MCF2L: variants seen among roughly 807,000 people sequenced by gnomAD.
The protein encoded by MCF2L is guanine nucleotide exchange factor DBS.
A neutral mutation model predicts 153.4 loss-of-function variants in MCF2L; 97 were observed. That is an observed-to-expected ratio of 0.63 (90% CI 0.54 to 0.75). MCF2L has a LOEUF of 0.75. Among genes scored for constraint, MCF2L ranks in the 30% least tolerant of loss-of-function variants. The probability of loss-of-function intolerance (pLI) is 0.00; values close to 1 mark genes in which losing one functional copy is unlikely to be tolerated. For missense variants in MCF2L, 1,347 were observed against 1,495.2 expected (o/e 0.90, Z 1.64); for synonymous variants, 659 against 632.2 (o/e 1.04, Z -0.64).
In MCF2L at chr13:113,078,743, G is replaced by A. The variant is rs1376517058; in HGVS notation, c.1808+4G>A. 1 of 1,595,162 alleles carries A rather than the reference G, an allele frequency of 6.3e-7. No homozygotes were observed. Among genetic ancestry groups the A allele is most frequent in the Non-Finnish European group, 8.5e-7 (1 of 1,175,518 alleles). Reference sequence around the variant, plus strand: ...AAAGCCTGGCCATCCTGCGCAGGTGGGTGCGCTGCCCTTCTGTCCTCACAG... The same window carrying A: ...AAAGCCTGGCCATCCTGCGCAGGTGAGTGCGCTGCCCTTCTGTCCTCACAG... On this transcript the variant is annotated splice_donor_region_variant and intron_variant, in intron 15 of 29. Coordinates refer to ENST00000535094, the MANE Select transcript of MCF2L (RefSeq NM_001112732.3).
intron 2 of MCF2L, among the ~76,000 whole-genome samples, chr13:113,017,977 C>G (rs762585851): frequency 6.6e-6 from 1 of 152,268 alleles, no homozygotes; most frequent in South Asian, 2.1e-4. Context: ...GATTTCCCCT[C>G]CCTGCGACGT....
chr13:113,093,307 G>T (rs544240342), intron 26 of MCF2L, among the ~76,000 whole-genome samples: 2 of 152,264 alleles, frequency 1.3e-5, no homozygotes, highest in Non-Finnish European at 2.9e-5. Context: ...CAGGCCTGGT[G>T]TGGTGCCTGG....
chr13:113,090,232 G>A (rs376540103), intron 26 of MCF2L: 129 of 1,429,304 alleles, frequency 9.0e-5, no homozygotes, highest in African/African-American at 5.6e-4. Flanking sequence ...GTGACCATTC[G>A]TGCCTCCTTC....
chr13:113,003,781 T>TCCTCACTGTGCC (rs1159187754), intron 1 of MCF2L, among the ~76,000 whole-genome samples: 1 of 152,150 alleles, frequency 6.6e-6, no homozygotes, highest in Non-Finnish European at 1.5e-5. Flanking sequence ...AGGCCTGTGT[T>TCCTCACTGTGCC]CCTCACTGTG....
Position 113,064,838 on chromosome 13 carries a change from G to C in MCF2L, c.607-98G>C. 1 of 1,390,758 alleles carries C rather than the reference G, an allele frequency of 7.2e-7. No individual in the cohort carries two copies. 86.2% of individuals were successfully genotyped at this position (1,390,758 alleles called of 1,614,324 possible). A position where few individuals can be genotyped will look rare whatever the true frequency, so the allele number is the denominator to read the frequency against. ...TGCGTCAGCCGGTCTCACCTGATGG[G>C]TCTGTGTGGGAACGGTTTCCGCCGG... is the stretch of plus-strand genomic sequence containing the variant. On this transcript the variant is annotated intron_variant, in intron 6 of 29. Transcript: ENST00000535094. The surrounding 1 kb of genome is among the most constrained non-coding windows in gnomAD (Gnocchi z 6.0).
chr13:113,084,913 G>A lies in MCF2L; in HGVS notation c.2083G>A (p.Glu695Lys), dbSNP rs1249434622. Residue 695 changes from glutamate (E) to lysine (K), a missense_variant, in exon 19 of 30, where the codon GAG becomes AAG. This residue lies in a region of MCF2L where 144 missense variants were observed against 238.7 expected (regional missense o/e 0.60). Coordinates refer to ENST00000535094, the MANE Select transcript of MCF2L (RefSeq NM_001112732.3). The stretch of plus-strand genomic sequence containing the variant: ...GCAGATGGAAGATTTCCAGATCTAT[G>A]AGAAGTACTGTCAGAACAAGCCCCG... The part of the protein sequence containing the change: ...LERMEDFQIY[E>K]KYCQNKPRSE... 3.1e-6 allele frequency: 5 copies of A among 1,613,954 alleles called. No homozygotes were observed. The highest frequency in any genetic ancestry group is 4.2e-6 in the Non-Finnish European group (5 of 1,179,948).
chr13:113,053,957 GT>G lies in MCF2L; in HGVS notation c.370-6634del, dbSNP rs2087547811. On this transcript the variant is annotated intron_variant, in intron 4 of 29. Coordinates refer to ENST00000535094, the MANE Select transcript of MCF2L (RefSeq NM_001112732.3). The surrounding 1 kb of genome is among the most constrained non-coding windows in gnomAD (Gnocchi z 4.4). ...CTCCTCAACTCTTGATGGGAGCTCA[GT>G]TCACACGGCTCCGAATCGGCGAAAC... 6.6e-6 allele frequency among the ~76,000 whole-genome samples: 1 copy of G among 152,166 alleles called. No individual in the cohort carries two copies. Among genetic ancestry groups the G allele is most frequent in the African/African-American group, 2.4e-5 (1 of 41,434 alleles).
At position 113,096,627 on chromosome 13, in the gene MCF2L, G is replaced by A. The variant is rs1259907246; in HGVS notation, c.3266G>A (p.Gly1089Asp). The change falls in exon 29 of 30, where the codon GGC (glycine) becomes GAC (aspartate). Residue 1089 changes from glycine (G) to aspartate (D), a missense_variant. Gly to Asp is a moderately conservative substitution (Grantham distance 94, BLOSUM62 -1). This residue lies in a region of MCF2L where 383 missense variants were observed against 335.4 expected (regional missense o/e 1.14). Coordinates refer to ENST00000535094, the MANE Select transcript of MCF2L (RefSeq NM_001112732.3). The stretch of plus-strand genomic sequence containing the variant: ...CTGTCCGTCCGGCTCGGCCCGTCCG[G>A]CTCGGCCCAGTGCCTGAGCAGCTCA... Reference protein sequence around the residue: ...SSLSVRLGPSGSAQCLSSSES... With the variant: ...SSLSVRLGPSDSAQCLSSSES... 3.1e-6 allele frequency: 5 copies of A among 1,592,522 alleles called. No individual in the cohort carries two copies. Among genetic ancestry groups the A allele is most frequent in the Non-Finnish European group, 4.3e-6 (5 of 1,175,352 alleles).
chr13:113,002,059 G>A (rs1267153924), intron 1 of MCF2L: 6 of 1,414,594 alleles, frequency 4.2e-6, no homozygotes, highest in East Asian at 2.8e-5. Context: ...CCGGGCGGGG[G>A]TGGACGTTCT....
chr13:113,065,147 G>A, intron 7 of MCF2L, 62 bp downstream of exon 7: 5 of 1,594,548 alleles, frequency 3.1e-6, no homozygotes, highest in Non-Finnish European at 4.3e-6. Flanking sequence ...AAGCTGCGCG[G>A]GGCTCCGGTC....
In MCF2L at chr13:112,941,900, T is replaced by A. The variant is rs941902910; in HGVS notation, c.169+39529T>A. 1.3e-5 allele frequency among the ~76,000 whole-genome samples: 2 copies of A among 151,792 alleles called. No individual in the cohort carries two copies. The highest frequency in any genetic ancestry group is 4.8e-5 in the African/African-American group (2 of 41,326). ...GTGAGAAGTGATCAGAAGACAAGAG[T>A]GCGAGCCTTCTATTATGCACAGACA... is the stretch of plus-strand genomic sequence containing the variant. On this transcript the variant is annotated intron_variant, in intron 2 of 29. Transcript: ENST00000375608. The surrounding 1 kb of genome is among the most constrained non-coding windows in gnomAD (Gnocchi z 4.9).
intron 1 of MCF2L, among the ~76,000 whole-genome samples, chr13:112,974,121 T>C (rs574082167): frequency 2.6e-5 from 4 of 152,318 alleles, no homozygotes; most frequent in African/African-American, 9.6e-5. Flanking sequence ...CACCTGCCGC[T>C]CCACATCACC....
chr13:113,066,015 G>T (rs1210189236), intron 7 of MCF2L, 31 bp from the exon 8 acceptor site: 6 of 1,606,812 alleles, frequency 3.7e-6, no homozygotes, highest in Non-Finnish European at 5.1e-6. Context: ...CCTGGACGGG[G>T]CCGGGACATG....
In MCF2L at chr13:113,014,842, G is replaced by A; in HGVS notation, c.159G>A (p.Leu53=). 1.2e-6 allele frequency: 2 copies of A among 1,613,888 alleles called. No homozygotes were observed. The highest frequency in any genetic ancestry group is 8.5e-7 in the Non-Finnish European group (1 of 1,179,958). The change falls in exon 2 of 30, where the codon CTG becomes CTA. Residue 53 remains leucine, a synonymous_variant. Coordinates refer to ENST00000535094, the MANE Select transcript of MCF2L (RefSeq NM_001112732.3). ...QDQLKKRFAY[L]SGGRGQDGSP... is the part of the protein sequence containing the mutation. ...AGCTAAAGAAGCGCTTTGCTTACCT[G>A]TCCGGTGAGTTCCAGAAGCTGGGAT...
chr13:113,045,142 C>A lies in MCF2L; in HGVS notation c.279-129C>A. On this transcript the variant is annotated intron_variant, in intron 3 of 29. Coordinates refer to ENST00000535094, the MANE Select transcript of MCF2L (RefSeq NM_001112732.3). This position sits in a 1 kb window ranked among gnomAD's most constrained non-coding sequence, Gnocchi z 4.2. Reference sequence around the variant, plus strand: ...CGGGGCCCCCGTGTGCCATGCCTCTCACCTGGTATTGCAGAAATGGCATCA... The same window carrying A: ...CGGGGCCCCCGTGTGCCATGCCTCTAACCTGGTATTGCAGAAATGGCATCA... 2 of 942,626 alleles carry A rather than the reference C, an allele frequency of 2.1e-6. No homozygotes were observed. The highest frequency in any genetic ancestry group is 1.4e-5 in the South Asian group (1 of 69,970). The allele number at this position is 942,626 out of a possible 1,614,324, so 58.4% of individuals were successfully genotyped here. A position where few individuals can be genotyped will look rare whatever the true frequency, so the allele number is the denominator to read the frequency against.
intron 15 of MCF2L, among the ~76,000 whole-genome samples, 197 bp from the exon 16 acceptor site, chr13:113,081,016 C>G (rs190079223): frequency 6.6e-6 from 1 of 152,346 alleles, no homozygotes; most frequent in Admixed American, 6.5e-5. Flanking sequence ...GAGGCTTCAG[C>G]CGCCGTCTGC....
chr13:113,049,381 C>G (rs1415861749), intron 4 of MCF2L, among the ~76,000 whole-genome samples: 2 of 152,284 alleles, frequency 1.3e-5, no homozygotes, highest in East Asian at 1.9e-4. Flanking sequence ...GCCCCAGGCT[C>G]TGTCCATGAG....
At chr13:112,920,052 G>A (rs1478888410) in intron 2 of MCF2L, among the ~76,000 whole-genome samples, 1 of 152,142 alleles carries the variant, frequency 6.6e-6, no homozygotes, top group East Asian at 1.9e-4. Flanking sequence ...CTCAAGCTGT[G>A]CTGTCCCTCC....
At chr13:112,911,538 C>G (rs533443221) in intron 2 of MCF2L, among the ~76,000 whole-genome samples, 1 of 152,266 alleles carries the variant, frequency 6.6e-6, no homozygotes, top group Non-Finnish European at 1.5e-5. Flanking sequence ...CCATGCTCCT[C>G]TGAAACCCTC....
Sources: gnomAD v4.1 joint callset for allele counts (sites outside exome capture counted in the v4.1 genomes callset) on GRCh38, gnomAD v4.1.1 for gene constraint, gnomAD v4.1.1 regional missense constraint, Gnocchi (gnomAD v3.1) non-coding constraint, MANE v1.5 for transcripts, NCBI Gene and HGNC (gene_info 2026-07-23, HGNC 2026-07-21) for gene names.